The following VPS50 variants were observed in gnomAD, a reference collection of about 807,000 sequenced individuals.
The protein encoded by VPS50 is VPS50 subunit of EARP/GARPII complex.
VPS50 carries 70 observed loss-of-function variants against 139.7 expected under a neutral mutation model. That is an observed-to-expected ratio of 0.50 (90% CI 0.41 to 0.61). The LOEUF (loss-of-function observed/expected upper bound fraction) is 0.61, where lower values mean the gene tolerates loss of function less well. Among genes scored for constraint, VPS50 ranks in the 20% least tolerant of loss-of-function variants. VPS50 has a pLI of 0.00. For missense variants in VPS50, 921 were observed against 1,133.7 expected, an observed-to-expected ratio of 0.81 and a Z score of 2.69; for synonymous variants, 365 against 376.7, an observed-to-expected ratio of 0.97 and a Z score of 0.36.
chr7:93,350,252 A>G (rs1336560509), intron 25 of VPS50, among the ~76,000 whole-genome samples: 1 of 152,174 alleles, frequency 6.6e-6, no homozygotes, highest in Non-Finnish European at 1.5e-5. Flanking sequence ...CTAATTTCCC[A>G]TTTTGAGTTG....
intron 18 of VPS50, among the ~76,000 whole-genome samples, chr7:93,306,950 A>T (rs1233112695): frequency 6.6e-6 from 1 of 151,858 alleles, no homozygotes; most frequent in Non-Finnish European, 1.5e-5. Flanking sequence ...TGATTCAGTG[A>T]TTCTTTGTGA....
chr7:93,347,195 C>T (rs1798421165), intron 23 of VPS50, among the ~76,000 whole-genome samples: 1 of 147,888 alleles, frequency 6.8e-6, no homozygotes, highest in Non-Finnish European at 1.5e-5. Flanking sequence ...CAAAAGAAGA[C>T]ATTTATGCAG....
intron 23 of VPS50, among the ~76,000 whole-genome samples, chr7:93,344,836 G>T (rs540680704): frequency 1.1e-3 from 163 of 152,146 alleles, no homozygotes; most frequent in African/African-American, 3.7e-3. Context: ...GCAGTGTGTA[G>T]AGGGAAATTT....
At chr7:93,343,830 C>T (rs1461904083) in intron 23 of VPS50, among the ~76,000 whole-genome samples, 13 of 152,238 alleles carry the variant, frequency 8.5e-5, no homozygotes, top group South Asian at 6.2e-4. Context: ...CTGAAGGAAG[C>T]GCTAAACCTG....
At chr7:93,251,017 A>G (rs1015253642) in intron 2 of VPS50, among the ~76,000 whole-genome samples, 1 of 152,238 alleles carries the variant, frequency 6.6e-6, no homozygotes, top group Admixed American at 6.5e-5. Context: ...ATCATTAAAA[A>G]GTCAGGAAAC....
intron 19 of VPS50, among the ~76,000 whole-genome samples, chr7:93,309,574 G>T (rs1049827541): frequency 1.3e-5 from 2 of 151,840 alleles, no homozygotes; most frequent in African/African-American, 2.4e-5. Flanking sequence ...TGTTTTGTAT[G>T]TGGAGTTCTT....
intron 2 of VPS50, among the ~76,000 whole-genome samples, chr7:93,240,170 T>C (rs1396027400): frequency 6.6e-6 from 1 of 151,400 alleles, no homozygotes; most frequent in Non-Finnish European, 1.5e-5. Context: ...AATTTGGAAT[T>C]TATTATATTA....
chr7:93,320,189 T>C (rs1797562093), intron 20 of VPS50, among the ~76,000 whole-genome samples: 1 of 152,146 alleles, frequency 6.6e-6, no homozygotes, highest in Non-Finnish European at 1.5e-5. Context: ...CGGAACTTTG[T>C]GTGAAATATA....
At position 93,289,789 on chromosome 7, in the gene VPS50, C is replaced by T. The variant is rs181372417; in HGVS notation, c.943-1914C>T. On this transcript the variant is annotated intron_variant, in intron 12 of 27. Coordinates refer to ENST00000305866, the MANE Select transcript of VPS50 (RefSeq NM_017667.4). ...ACACTATCTTCATCTAAGTGATGTG[C>T]GATGCCATCTTTATCATATACCAGA... Among the ~76,000 whole-genome samples, 28 of 152,086 alleles carry T rather than the reference C, an allele frequency of 1.8e-4. No homozygotes were observed. The South Asian group carries it at 5.2e-3, about 28-fold the overall frequency.
At chr7:93,280,904 T>C (rs1796307136) in intron 12 of VPS50, among the ~76,000 whole-genome samples, 1 of 152,250 alleles carries the variant, frequency 6.6e-6, no homozygotes, top group Admixed American at 6.5e-5. Flanking sequence ...TCTGTATATA[T>C]ATATATACAT....
intron 22 of VPS50, among the ~76,000 whole-genome samples, chr7:93,335,041 A>T (rs897704642): frequency 6.6e-6 from 1 of 152,146 alleles, no homozygotes; most frequent in Non-Finnish European, 1.5e-5. Context: ...TAAAGCCATG[A>T]TTATTAATTC....
At position 93,253,895 on chromosome 7, in the gene VPS50, G is replaced by T. The variant is rs750372692; in HGVS notation, c.261G>T (p.Glu87Asp). ...LPPVLNLQEL[E>D]AYRDKLKQQQ... is the part of the protein sequence containing the mutation. ...CTGTTCTCAATTTGCAAGAATTAGA[G>T]GCGTATAGAGACAAATTGAAACAAC... Residue 87 changes from glutamate (E) to aspartate (D), a missense_variant, in exon 4 of 28, where the codon GAG (glutamate) becomes GAT (aspartate). By Grantham distance (45) the Glu-to-Asp change is conservative (BLOSUM62 2). This residue lies in a region of VPS50 where 744 missense variants were observed against 930.6 expected (regional missense o/e 0.80). Transcript: ENST00000305866. 1 of 1,602,974 alleles carries T rather than the reference G, an allele frequency of 6.2e-7. No individual in the cohort carries two copies. The highest frequency in any genetic ancestry group is 8.5e-7 in the Non-Finnish European group (1 of 1,172,440).
At position 93,274,286 on chromosome 7, in the gene VPS50, A is replaced by G. The variant is rs530104788; in HGVS notation, c.801+1553A>G. Among the ~76,000 whole-genome samples, 7 of 152,286 alleles carry G rather than the reference A, an allele frequency of 4.6e-5. No individual in the cohort carries two copies. The South Asian group carries it at 1.4e-3, about 32-fold the overall frequency. On this transcript the variant is annotated intron_variant, in intron 11 of 27. Transcript: ENST00000305866. Reference sequence around the variant, plus strand: ...TGCCACCTAGGATTTTCAGAGGTACAGAGAATAAGTCAATGCCTGGCTTCA... The same window carrying G: ...TGCCACCTAGGATTTTCAGAGGTACGGAGAATAAGTCAATGCCTGGCTTCA...
chr7:93,347,687 G>A (rs1188720963), intron 23 of VPS50, among the ~76,000 whole-genome samples: 22 of 148,992 alleles, frequency 1.5e-4, no homozygotes, highest in Non-Finnish European at 4.4e-5. Context: ...GGACATGGAT[G>A]AAATTGGAAA....
chr7:93,236,047 C>A (rs1000644052), intron 1 of VPS50, among the ~76,000 whole-genome samples: 1 of 152,058 alleles, frequency 6.6e-6, no homozygotes, highest in African/African-American at 2.4e-5. Flanking sequence ...CTGAATGGCA[C>A]CTGGAATATA....
At chr7:93,306,704 A>C (rs1486825961) in intron 18 of VPS50, among the ~76,000 whole-genome samples, 4 of 151,890 alleles carry the variant, frequency 2.6e-5, no homozygotes, top group Admixed American at 2.6e-4. Flanking sequence ...ACAGTATTTT[A>C]CTTGACTTAA....
chr7:93,339,391 T>A (rs771307887), intron 22 of VPS50, among the ~76,000 whole-genome samples: 1 of 151,976 alleles, frequency 6.6e-6, no homozygotes, highest in African/African-American at 2.4e-5. Flanking sequence ...AGTTTTATAA[T>A]TTTTATTTGC....
intron 1 of VPS50, among the ~76,000 whole-genome samples, chr7:93,234,438 C>G (rs1463617683): frequency 1.3e-5 from 2 of 152,072 alleles, no homozygotes; most frequent in Admixed American, 1.3e-4. Context: ...AAAGCTGGAA[C>G]CATACTGTGT....
At chr7:93,258,298 A>C (rs951887037) in intron 7 of VPS50, 22 bp downstream of exon 7, 1 of 1,593,364 alleles carries the variant, frequency 6.3e-7, no homozygotes, top group Non-Finnish European at 8.6e-7. Flanking sequence ...TCATTTAAAA[A>C]AATTAAAACT....
Sources: allele counts gnomAD v4.1 joint callset (sites outside exome capture counted in the v4.1 genomes callset), GRCh38; gene constraint gnomAD v4.1.1; regional missense constraint gnomAD v4.1.1; transcripts MANE v1.5; gene names NCBI Gene and HGNC (gene_info 2026-07-23, HGNC 2026-07-21).